The following FMN2 variants were observed in gnomAD, a reference collection of about 807,000 sequenced individuals.
FMN2 encodes the protein formin-2.
A neutral mutation model predicts 142.3 loss-of-function variants in FMN2; 51 were observed. That is an observed-to-expected ratio of 0.36 (90% confidence interval 0.29 to 0.45). FMN2 has a LOEUF of 0.45. Among genes scored for constraint, FMN2 ranks in the 20% least tolerant of loss-of-function variants. The pLI is 1.00. For synonymous variants in FMN2, 882 were observed against 869.8 expected (o/e 1.01, Z -0.25); for missense variants, 1,936 against 2,122.8 (o/e 0.91, Z 1.73).
intron 14 of FMN2, among the ~76,000 whole-genome samples, chr1:240,385,521 G>A (rs1454797424): frequency 2.6e-5 from 4 of 152,140 alleles, no homozygotes; most frequent in Non-Finnish European, 5.9e-5. Context: ...ATTTGGGTAT[G>A]ATTTGATATA....
At chr1:240,272,418 C>A (rs1298037650) in intron 7 of FMN2, among the ~76,000 whole-genome samples, 1 of 152,116 alleles carries the variant, frequency 6.6e-6, no homozygotes, top group Non-Finnish European at 1.5e-5. Flanking sequence ...CGGATTGGCA[C>A]TGTTATTTTG....
intron 14 of FMN2, among the ~76,000 whole-genome samples, chr1:240,389,453 G>A (rs1673532022): frequency 6.6e-6 from 1 of 152,200 alleles, no homozygotes. Flanking sequence ...TTCTCAAACT[G>A]AAAAGCATAG....
chr1:240,297,967 G>A (rs1670048419), intron 8 of FMN2, among the ~76,000 whole-genome samples: 2 of 152,056 alleles, frequency 1.3e-5, no homozygotes, highest in South Asian at 4.1e-4. Context: ...TCTTCTACAA[G>A]GGCACTGATC....
intron 6 of FMN2, among the ~76,000 whole-genome samples, chr1:240,254,761 G>T (rs61829187): frequency 6.6e-5 from 10 of 151,948 alleles, no homozygotes; most frequent in African/African-American, 2.2e-4. Context: ...GTTGCTAGGG[G>T]CAGCAGGGTC....
intron 3 of FMN2, among the ~76,000 whole-genome samples, chr1:240,184,761 G>C (rs1009853311): frequency 2.8e-4 from 42 of 151,806 alleles, no homozygotes; most frequent in African/African-American, 9.2e-4. Flanking sequence ...CGTGGGAGTC[G>C]GGAGTTCCGG....
At chr1:240,422,032 A>G (rs1172887532) in intron 15 of FMN2, among the ~76,000 whole-genome samples, 1 of 152,102 alleles carries the variant, frequency 6.6e-6, no homozygotes, top group Non-Finnish European at 1.5e-5. Context: ...GAGAGAGGAG[A>G]GAGCCACCTA....
chr1:240,098,096 A>ATTTTTTTTTTTTTTTT (rs1558293621), intron 1 of FMN2, among the ~76,000 whole-genome samples: 3 of 81,186 alleles, frequency 3.7e-5, no homozygotes, highest in African/African-American at 2.1e-4. Flanking sequence ...GGTTATCTTG[A>ATTTTTTTTTTTTTTTT]ATTTTTTTTT....
chr1:240,419,894 T>A (rs1674708154), intron 15 of FMN2, among the ~76,000 whole-genome samples: 1 of 152,106 alleles, frequency 6.6e-6, no homozygotes. Context: ...TTTTCTGTGG[T>A]CATAGAGGTT....
intron 16 of FMN2, 176 bp from the exon 17 acceptor site, chr1:240,472,196 T>A (rs1261285139): frequency 3.6e-6 from 2 of 557,892 alleles, no homozygotes; most frequent in Admixed American, 7.5e-5. Context: ...TTAGCGTCTG[T>A]AGCTGTAACA....
chr1:240,328,416 A>T (rs1223464788), intron 8 of FMN2, among the ~76,000 whole-genome samples: 2 of 151,866 alleles, frequency 1.3e-5, no homozygotes, highest in African/African-American at 4.8e-5. Context: ...AGAAAGTATT[A>T]TAGACAGGCA....
intron 8 of FMN2, among the ~76,000 whole-genome samples, chr1:240,321,333 T>C (rs550022379): frequency 7.2e-5 from 11 of 152,202 alleles, no homozygotes; most frequent in African/African-American, 2.7e-4. Context: ...AAAATTAGAA[T>C]GTTGGAAGTC....
intron 2 of FMN2, among the ~76,000 whole-genome samples, chr1:240,161,994 T>A (rs894609693): frequency 2.6e-5 from 4 of 151,922 alleles, no homozygotes; most frequent in Non-Finnish European, 5.9e-5. Context: ...GGGCTGGGTG[T>A]TGTGGCTCAC....
intron 8 of FMN2, among the ~76,000 whole-genome samples, chr1:240,313,482 T>C (rs1670662475): frequency 6.6e-6 from 1 of 152,166 alleles, no homozygotes; most frequent in African/African-American, 2.4e-5. Flanking sequence ...TGTTAAGGTA[T>C]TTATAATCAC....
rs61390423 is a variant in FMN2 at position 240,448,820 on chromosome 1, T to C, written c.5060+10610T>C. On this transcript the variant is annotated intron_variant, in intron 16 of 17. Transcript: ENST00000319653. ...TGGTCAACAGAGCAAGACCCTGTTT[T>C]AAAAAAAATAGTAATTCAATATGAT... Among the ~76,000 whole-genome samples the C allele has an allele frequency of 6.6e-5, 5 of 75,478 alleles. No homozygotes were observed. The Admixed American group carries it at 7.3e-4, about 11-fold the overall frequency. 49.5% of individuals were successfully genotyped at this position (75,478 alleles called of 152,430 possible). A position where few individuals can be genotyped will look rare whatever the true frequency, so the allele number is the denominator to read the frequency against.
At chr1:240,397,583 C>G (rs928141377) in intron 15 of FMN2, among the ~76,000 whole-genome samples, 1 of 151,798 alleles carries the variant, frequency 6.6e-6, no homozygotes, top group African/African-American at 2.4e-5. Flanking sequence ...TGAGACCAGC[C>G]TGGTCAACCA....
intron 14 of FMN2, among the ~76,000 whole-genome samples, chr1:240,357,681 G>A (rs189580403): frequency 1.1e-3 from 160 of 148,844 alleles, no homozygotes; most frequent in Non-Finnish European, 2.1e-4. Flanking sequence ...GATCTCAGCT[G>A]GCTGCAACCT....
chr1:240,414,521 T>C (rs1674514641), intron 15 of FMN2, among the ~76,000 whole-genome samples: 1 of 152,238 alleles, frequency 6.6e-6, no homozygotes, highest in Admixed American at 6.5e-5. Context: ...TAATAAAATA[T>C]TGGCATTTGT....
At chr1:240,157,058 T>C (rs1368858506) in intron 2 of FMN2, among the ~76,000 whole-genome samples, 1 of 152,194 alleles carries the variant, frequency 6.6e-6, no homozygotes, top group Non-Finnish European at 1.5e-5. Flanking sequence ...AAACTTTATT[T>C]CTTAGCAATA....
chr1:240,220,797 A>G (rs899574747), intron 6 of FMN2, among the ~76,000 whole-genome samples: 2 of 152,084 alleles, frequency 1.3e-5, no homozygotes, highest in Non-Finnish European at 2.9e-5. Context: ...TACACGTGCC[A>G]TGGTGGTTTG....
Sources: allele counts gnomAD v4.1 joint callset (sites outside exome capture counted in the v4.1 genomes callset), GRCh38; gene constraint gnomAD v4.1.1; transcripts MANE v1.5; gene names NCBI Gene and HGNC (gene_info 2026-07-23, HGNC 2026-07-21).